The following SVEP1 variants were observed in gnomAD, a reference collection of about 807,000 sequenced individuals.
SVEP1 encodes sushi, von Willebrand factor type A, EGF and pentraxin domain-containing protein 1.
SVEP1 carries 164 observed loss-of-function variants against 367.3 expected under a neutral mutation model. The observed-to-expected ratio is 0.45, with a 90% CI of 0.39 to 0.51. The LOEUF (loss-of-function observed/expected upper bound fraction) is 0.51, where lower values mean the gene tolerates loss of function less well. SVEP1 is among the 20% of genes least tolerant of loss of function. The pLI is 0.00. For synonymous variants in SVEP1, 1,666 were observed against 1,611.6 expected (o/e 1.03, Z -0.81); for missense variants, 4,117 against 4,425.3 (o/e 0.93, Z 1.98).
chr9:110,550,774 C>T (rs1315930321), intron 1 of SVEP1, among the ~76,000 whole-genome samples: 3 of 152,172 alleles, frequency 2.0e-5, no homozygotes, highest in Admixed American at 2.0e-4. Flanking sequence ...AAATCTGACA[C>T]TGGGACTTTA....
intron 1 of SVEP1, among the ~76,000 whole-genome samples, chr9:110,572,125 G>GA (rs71371673): frequency 0.012 from 1,749 of 151,880 alleles, 26 homozygotes; most frequent in African/African-American, 0.04. Flanking sequence ...GAAAAGAGGG[G>GA]CACAAAAAGA....
At chr9:110,467,644 T>C (rs1434828079) in intron 17 of SVEP1, among the ~76,000 whole-genome samples, 25 of 151,406 alleles carry the variant, frequency 1.7e-4, no homozygotes, top group Admixed American at 1.6e-3. Flanking sequence ...TACTTTTTTT[T>C]TTTTTTTTTG....
At position 110,365,467 on chromosome 9, in the gene SVEP1, T is replaced by C. The variant is rs1448547356; in HGVS notation, c.*1072A>G. 6.6e-6 allele frequency: 1 copy of C among 152,190 alleles called. No homozygotes were observed. Among genetic ancestry groups the C allele is most frequent in the East Asian group, 1.9e-4 (1 of 5,194 alleles). The allele number at this position is 152,190 out of a possible 1,614,324, so 9.4% of individuals were successfully genotyped here. On this transcript the variant is annotated 3_prime_UTR_variant, in exon 48 of 48. Coordinates refer to ENST00000374469, the MANE Select transcript of SVEP1 (RefSeq NM_153366.4). ...CACTCCAAGGCCTGTGTGGGAGCAG[T>C]TTTCCCAGAGGATGGAGGCAAGTTG...
chr9:110,480,018 T>C (rs1307286340), intron 12 of SVEP1, among the ~76,000 whole-genome samples: 1 of 152,148 alleles, frequency 6.6e-6, no homozygotes, highest in Non-Finnish European at 1.5e-5. Flanking sequence ...ATACAAAAAG[T>C]GAGTATTTAA....
intron 9 of SVEP1, among the ~76,000 whole-genome samples, chr9:110,488,515 C>T (rs182645337): frequency 6.6e-6 from 1 of 152,086 alleles, no homozygotes; most frequent in East Asian, 1.9e-4. Flanking sequence ...GAAAGACTAA[C>T]ATCAAGGAAG....
At chr9:110,373,075 A>G (rs184512618) in intron 46 of SVEP1, among the ~76,000 whole-genome samples, 44 of 152,244 alleles carry the variant, frequency 2.9e-4, no homozygotes, top group African/African-American at 9.6e-4. Flanking sequence ...GAACAAAAAT[A>G]ATGATGGTGC....
Position 110,408,021 on chromosome 9 carries a change from C to T in SVEP1, c.7579G>A (p.Gly2527Ser), listed in dbSNP as rs1156389181. 6.2e-7 allele frequency: 1 copy of T among 1,613,884 alleles called. No individual in the cohort carries two copies. Among genetic ancestry groups the T allele is most frequent in the Non-Finnish European group, 8.5e-7 (1 of 1,179,904 alleles). ...GQTVTYSCNRGFRLEGPSALT... is the reference protein window; with the variant it reads ...GQTVTYSCNRSFRLEGPSALT... ...GCACTGGGACCTTCGAGCCGAAAGC[C>T]TCGGTTGCAAGAGTAGGTAACGGTC... Residue 2527 changes from glycine (G) to serine (S), a missense_variant, in exon 38 of 48, where the codon GGC becomes AGC. Gly to Ser is a moderately conservative substitution (Grantham distance 56). Coordinates refer to ENST00000374469, the MANE Select transcript of SVEP1 (RefSeq NM_153366.4).
chr9:110,493,335 A>C (rs1329337369), intron 8 of SVEP1, among the ~76,000 whole-genome samples: 1 of 152,128 alleles, frequency 6.6e-6, no homozygotes, highest in Non-Finnish European at 1.5e-5. Context: ...CACAGCCTTA[A>C]ACAAATGAAA....
chr9:110,574,477 T>G (rs2118889155), intron 1 of SVEP1, among the ~76,000 whole-genome samples: 1 of 152,340 alleles, frequency 6.6e-6, no homozygotes, highest in Non-Finnish European at 1.5e-5. Context: ...ATTTCCATGA[T>G]GAAACGTACA....
At chr9:110,499,326 A>G (rs1452715159) in intron 6 of SVEP1, 88 bp from the exon 7 acceptor site, 9 of 1,225,418 alleles carry the variant, frequency 7.3e-6, no homozygotes, top group Non-Finnish European at 1.0e-5. Context: ...AAATACAATT[A>G]TGCTGCCTTA....
At chr9:110,378,446 A>T (rs1827385172) in intron 44 of SVEP1, among the ~76,000 whole-genome samples, 1 of 152,098 alleles carries the variant, frequency 6.6e-6, no homozygotes, top group African/African-American at 2.4e-5. Context: ...TTAAAGTCCA[A>T]ATCTGTTTTT....
chr9:110,387,547 A>T, intron 41 of SVEP1, 89 bp from the exon 42 acceptor site: 1 of 1,337,124 alleles, frequency 7.5e-7, no homozygotes, highest in Non-Finnish European at 1.0e-6. Flanking sequence ...ATTTCATGGA[A>T]TATATAAAAT....
intron 17 of SVEP1, 149 bp from the exon 18 acceptor site, chr9:110,466,175 T>C (rs1415215802): frequency 1.3e-6 from 1 of 781,634 alleles, no homozygotes; most frequent in Non-Finnish European, 1.9e-6. Context: ...TAGCTAAGCA[T>C]ACGCATATTG....
chr9:110,528,156 G>GTGTGTGTGTGTGTATATATATATATA, intron 3 of SVEP1, among the ~76,000 whole-genome samples: 13 of 33,944 alleles, frequency 3.8e-4, no homozygotes, highest in Non-Finnish European at 5.7e-4. Context: ...GTGTGTGTGT[G>GTGTGTGTGTGTGTATATATATATATA]TATATATATA....
intron 42 of SVEP1, among the ~76,000 whole-genome samples, chr9:110,386,649 G>C (rs1044785573): frequency 6.6e-6 from 1 of 152,078 alleles, no homozygotes; most frequent in Non-Finnish European, 1.5e-5. Context: ...AGGCCCGAGG[G>C]AAACACAGGA....
At chr9:110,488,711 A>C (rs957352799) in intron 9 of SVEP1, among the ~76,000 whole-genome samples, 17 of 151,730 alleles carry the variant, frequency 1.1e-4, no homozygotes, top group Non-Finnish European at 1.6e-4. Context: ...AAAATTAAAA[A>C]AAAACAAAAC....
chr9:110,440,177 T>A (rs1167380043), intron 27 of SVEP1, among the ~76,000 whole-genome samples: 1 of 152,206 alleles, frequency 6.6e-6, no homozygotes, highest in African/African-American at 2.4e-5. Context: ...AAATGTGCAT[T>A]TCTTGGGGAA....
chr9:110,512,360 G>A (rs906735837), intron 5 of SVEP1, among the ~76,000 whole-genome samples: 4 of 151,988 alleles, frequency 2.6e-5, no homozygotes, highest in Non-Finnish European at 5.9e-5. Context: ...GCAGATTGAG[G>A]CACTATTTTT....
At chr9:110,482,151 A>G (rs9696955) in intron 11 of SVEP1, among the ~76,000 whole-genome samples, 37,735 of 152,216 alleles carry the variant, frequency 0.25, 5,559 homozygotes, top group African/African-American at 0.41. Context: ...AAATGTTAAC[A>G]AAATGTTAAC....
Sources: gnomAD v4.1 joint callset for allele counts (sites outside exome capture counted in the v4.1 genomes callset) on GRCh38, gnomAD v4.1.1 for gene constraint, MANE v1.5 for transcripts, NCBI Gene and HGNC (gene_info 2026-07-23, HGNC 2026-07-21) for gene names.